GANC: variants seen among roughly 807,000 people sequenced by gnomAD.
GANC encodes the protein glucosidase alpha, neutral C.
Under a neutral mutation model 124.2 loss-of-function variants are expected in GANC, and 117 were observed. That is an observed-to-expected ratio of 0.94 (90% CI 0.81 to 1.10). GANC has a LOEUF of 1.10. GANC is among the 50% of genes least tolerant of loss of function. The pLI, the probability that GANC is intolerant of heterozygous loss-of-function variation, is 0.00. For missense variants in GANC, 1,140 were observed against 1,095.0 expected (o/e 1.04, Z -0.58); for synonymous variants, 377 against 376.8 (o/e 1.00, Z -0.01).
In GANC at chr15:42,340,706, T is replaced by G. The variant is rs761559135; in HGVS notation, c.2104T>G (p.Phe702Val). The G allele has an allele frequency of 6.2e-7, 1 of 1,607,072 alleles. No individual in the cohort carries two copies. Among genetic ancestry groups the G allele is most frequent in the South Asian group, 1.1e-5 (1 of 90,048 alleles). The change falls in exon 18 of 24, where the codon TTC (phenylalanine) becomes GTC (valine). Residue 702 changes from phenylalanine to valine, a missense_variant. Phe to Val is a conservative substitution (Grantham distance 50). Coordinates refer to ENST00000318010, the MANE Select transcript of GANC (RefSeq NM_198141.3). ...TTTCCCCAGGCCTCTGTGGGTAGAGTTCCCTGATGAACTAAAGACTTTTGA... is the reference window on the plus strand; with the variant it reads ...TTTCCCCAGGCCTCTGTGGGTAGAGGTCCCTGATGAACTAAAGACTTTTGA... ...QPVMRPLWVEFPDELKTFDME... is the reference protein window; with the variant it reads ...QPVMRPLWVEVPDELKTFDME...
At chr15:42,275,797 G>A (rs2051665621) in intron 1 of GANC, among the ~76,000 whole-genome samples, 1 of 152,126 alleles carries the variant, frequency 6.6e-6, no homozygotes, top group African/African-American at 2.4e-5. Context: ...TCTTATTCTA[G>A]CACCTTGCAC....
chr15:42,300,330 G>A (rs916958085), intron 6 of GANC, among the ~76,000 whole-genome samples: 7 of 152,210 alleles, frequency 4.6e-5, no homozygotes, highest in East Asian at 1.9e-4. Flanking sequence ...AGACATTTAT[G>A]TGGCCAACAA....
chr15:42,274,621 T>C (rs1294806779), intron 1 of GANC, 111 bp downstream of exon 1: 7 of 1,066,674 alleles, frequency 6.6e-6, no homozygotes, highest in Non-Finnish European at 9.4e-6. Context: ...ACCTTTATCT[T>C]TTCTCTCAAT....
chr15:42,304,581 C>G (rs376731665), intron 6 of GANC, among the ~76,000 whole-genome samples: 7 of 152,302 alleles, frequency 4.6e-5, no homozygotes, highest in African/African-American at 1.4e-4. Context: ...ATCAAGCTAC[C>G]ATTGACTTTC....
intron 5 of GANC, among the ~76,000 whole-genome samples, chr15:42,297,348 A>G (rs1289306543): frequency 6.6e-6 from 1 of 152,200 alleles, no homozygotes; most frequent in Non-Finnish European, 1.5e-5. Flanking sequence ...TATTGTTTAA[A>G]GATGAGATCT....
intron 15 of GANC, among the ~76,000 whole-genome samples, chr15:42,336,149 A>G (rs1232780130): frequency 3.5e-5 from 5 of 144,750 alleles, no homozygotes; most frequent in African/African-American, 1.1e-4. Context: ...AAAAAAAAAA[A>G]GAAAAAAAAA....
At chr15:42,345,627 A>G in intron 19 of GANC, 131 bp from the exon 20 acceptor site, 2 of 602,704 alleles carry the variant, frequency 3.3e-6, no homozygotes, top group Non-Finnish European at 5.9e-6. Context: ...TACCCAATAT[A>G]TTTTTTAAGT....
intron 13 of GANC, among the ~76,000 whole-genome samples, chr15:42,328,610 T>C (rs1193227248): frequency 6.6e-6 from 1 of 151,890 alleles, no homozygotes; most frequent in Non-Finnish European, 1.5e-5. Context: ...CTAGGTAGGC[T>C]CTGCGAGGGG....
At chr15:42,337,855 A>G (rs1449113356) in intron 15 of GANC, among the ~76,000 whole-genome samples, 2 of 152,212 alleles carry the variant, frequency 1.3e-5, no homozygotes, top group African/African-American at 4.8e-5. Context: ...TGAGGCTAGG[A>G]GTTCAAGACC....
At chr15:42,331,562 C>T (rs762158402) in intron 15 of GANC, among the ~76,000 whole-genome samples, 1 of 152,162 alleles carries the variant, frequency 6.6e-6, no homozygotes, top group African/African-American at 2.4e-5. Flanking sequence ...CCTTACTATC[C>T]TGTGGACATT....
At chr15:42,307,655 TGTTAAAGACTTCGTCTTTG>T (rs1278820739) in intron 7 of GANC, among the ~76,000 whole-genome samples, 2 of 152,214 alleles carry the variant, frequency 1.3e-5, no homozygotes, top group Non-Finnish European at 2.9e-5. Flanking sequence ...CTAAAATAAT[TGTTAAAGACTTCGTCTTTG>T]GTTAAAGGAA....
chr15:42,312,692 A>G (rs778036578), intron 10 of GANC, among the ~76,000 whole-genome samples: 12 of 152,186 alleles, frequency 7.9e-5, no homozygotes, highest in Non-Finnish European at 1.6e-4. Context: ...GTAATCCTGC[A>G]CTTTGGGAGG....
chr15:42,344,870 A>G (rs1263944880), intron 19 of GANC: 2 of 152,202 alleles, frequency 1.3e-5, no homozygotes, highest in Non-Finnish European at 2.9e-5. Context: ...ACTTAGTCAC[A>G]GAGTTTTATT....
chr15:42,281,262 A>G, intron 3 of GANC: 1 of 623,640 alleles, frequency 1.6e-6, no homozygotes, highest in Non-Finnish European at 2.9e-6. Context: ...CCTCCTTGTC[A>G]TGTGGTGTTG....
chr15:42,323,612 C>A (rs549864788), intron 11 of GANC, among the ~76,000 whole-genome samples: 1 of 152,190 alleles, frequency 6.6e-6, no homozygotes, highest in African/African-American at 2.4e-5. Context: ...ATGCAATTCT[C>A]CTGCCTCAGC....
chr15:42,309,422 C>T (rs367714199), intron 8 of GANC, among the ~76,000 whole-genome samples: 19 of 151,714 alleles, frequency 1.3e-4, no homozygotes, highest in Admixed American at 5.3e-4. Flanking sequence ...CAGGTTCAAG[C>T]GATTCTCCTG....
At chr15:42,302,650 A>G (rs967427871) in intron 6 of GANC, among the ~76,000 whole-genome samples, 2 of 152,188 alleles carry the variant, frequency 1.3e-5, no homozygotes, top group African/African-American at 4.8e-5. Context: ...CAGTTTAGAG[A>G]AGAACATAAA....
intron 3 of GANC, among the ~76,000 whole-genome samples, chr15:42,283,188 A>T: frequency 6.6e-6 from 1 of 152,218 alleles, no homozygotes; most frequent in Non-Finnish European, 1.5e-5. Flanking sequence ...GCAAGGTCGG[A>T]ACGTCCAGGC....
At chr15:42,308,548 A>G (rs937179862) in intron 8 of GANC, among the ~76,000 whole-genome samples, 7 of 152,150 alleles carry the variant, frequency 4.6e-5, no homozygotes, top group African/African-American at 1.2e-4. Flanking sequence ...CAGTGGCACA[A>G]TCTTGGCTCA....
Sources: allele counts gnomAD v4.1 joint callset (sites outside exome capture counted in the v4.1 genomes callset), GRCh38; gene constraint gnomAD v4.1.1; transcripts MANE v1.5; gene names NCBI Gene and HGNC (gene_info 2026-07-23, HGNC 2026-07-21).